The following SDK1 variants were observed in gnomAD, a reference collection of about 807,000 sequenced individuals.
The protein encoded by SDK1 is protein sidekick-1.
A neutral mutation model predicts 245.5 loss-of-function variants in SDK1; 157 were observed. The ratio of observed to expected loss-of-function variants is 0.64; its 90% CI spans 0.56 to 0.73. The LOEUF (loss-of-function observed/expected upper bound fraction) is 0.73, where lower values mean the gene tolerates loss of function less well. Ranked by LOEUF, SDK1 falls within the 30% of genes least tolerant of loss-of-function variation. SDK1 has a pLI of 0.00. For synonymous variants in SDK1, 1,647 were observed against 1,278.5 expected, an observed-to-expected ratio of 1.29 and a Z score of -6.15; for missense variants, 3,583 against 3,002.3, an observed-to-expected ratio of 1.19 and a Z score of -4.52.
At chr7:4,006,832 G>A (rs926907217) in intron 14 of SDK1, among the ~76,000 whole-genome samples, 2 of 152,194 alleles carry the variant, frequency 1.3e-5, no homozygotes, top group Non-Finnish European at 2.9e-5. Flanking sequence ...CCTGAGGCTG[G>A]GGTTCTGGAC....
intron 1 of SDK1, among the ~76,000 whole-genome samples, chr7:3,597,332 C>T (rs1402747310): frequency 6.6e-6 from 1 of 150,458 alleles, no homozygotes; most frequent in Non-Finnish European, 1.5e-5. Flanking sequence ...AGTTACAGTT[C>T]ACTTTGTACT....
intron 4 of SDK1, among the ~76,000 whole-genome samples, chr7:3,685,838 T>A (rs1411455855): frequency 6.6e-6 from 1 of 151,830 alleles, no homozygotes; most frequent in African/African-American, 2.4e-5. Context: ...TATAGGAAGA[T>A]AAGAAAAGAG....
chr7:4,120,227 G>A (rs1464982344), intron 25 of SDK1, among the ~76,000 whole-genome samples: 5 of 149,162 alleles, frequency 3.4e-5, no homozygotes, highest in South Asian at 4.4e-4. Context: ...GATAATAGCC[G>A]AGAAATTCCA....
intron 5 of SDK1, among the ~76,000 whole-genome samples, chr7:3,925,541 G>C (rs1385921718): frequency 6.6e-6 from 1 of 152,152 alleles, no homozygotes; most frequent in South Asian, 2.1e-4. Flanking sequence ...ACAGATGAAC[G>C]CATGCAGGAT....
intron 29 of SDK1, 21 bp from the exon 30 acceptor site, chr7:4,149,241 T>C (rs764586892): frequency 6.7e-7 from 1 of 1,488,580 alleles, no homozygotes; most frequent in Non-Finnish European, 8.9e-7. Flanking sequence ...ATGTCCCTGG[T>C]CTGTCCTCAT....
chr7:3,392,227 C>A (rs1331060013), intron 1 of SDK1, among the ~76,000 whole-genome samples: 1 of 152,108 alleles, frequency 6.6e-6, no homozygotes, highest in African/African-American at 2.4e-5. Context: ...CCCATGTACT[C>A]TAGCAAATTC....
chr7:3,677,468 CAA>C (rs941077102), intron 4 of SDK1, among the ~76,000 whole-genome samples: 1 of 152,156 alleles, frequency 6.6e-6, no homozygotes, highest in Non-Finnish European at 1.5e-5. Context: ...TGCTGGCAGA[CAA>C]GAGAGCTTGT....
intron 5 of SDK1, among the ~76,000 whole-genome samples, chr7:3,854,828 G>C (rs547408536): frequency 3.3e-5 from 5 of 152,300 alleles, no homozygotes; most frequent in Admixed American, 1.3e-4. Context: ...AAGATGGGAA[G>C]GGATGTATTA....
chr7:3,456,967 G>C (rs1157108161), intron 1 of SDK1, among the ~76,000 whole-genome samples: 1 of 152,140 alleles, frequency 6.6e-6, no homozygotes, highest in Non-Finnish European at 1.5e-5. Flanking sequence ...ATCTGCTGCC[G>C]ATAGGACTCC....
chr7:4,141,322 C>G (rs1318336785), intron 28 of SDK1, among the ~76,000 whole-genome samples: 1 of 152,190 alleles, frequency 6.6e-6, no homozygotes, highest in African/African-American at 2.4e-5. Flanking sequence ...AAACCAGTTC[C>G]CACATAATCC....
At chr7:3,706,487 C>T (rs1017236895) in intron 4 of SDK1, among the ~76,000 whole-genome samples, 7 of 152,128 alleles carry the variant, frequency 4.6e-5, no homozygotes, top group East Asian at 1.9e-4. Flanking sequence ...CTACAAGCTC[C>T]GCCTCCTGGG....
chr7:3,548,396 C>T (rs984325743), intron 1 of SDK1, among the ~76,000 whole-genome samples: 1 of 152,214 alleles, frequency 6.6e-6, no homozygotes, highest in Non-Finnish European at 1.5e-5. Flanking sequence ...CTGGGTCTGT[C>T]TTACTCCAAA....
intron 1 of SDK1, among the ~76,000 whole-genome samples, chr7:3,401,189 G>A (rs1255749318): frequency 6.6e-6 from 1 of 152,156 alleles, no homozygotes; most frequent in African/African-American, 2.4e-5. Flanking sequence ...GATGATGTCA[G>A]CCACTTACAC....
intron 2 of SDK1, among the ~76,000 whole-genome samples, chr7:3,638,460 A>G (rs10224718): frequency 1 from 149,953 of 150,170 alleles, 74,868 homozygotes; most frequent in African/African-American, 1. Context: ...AGCCATAAAA[A>G]ATGATGAGTT....
chr7:4,204,685 C>T (rs1784092565), intron 35 of SDK1, among the ~76,000 whole-genome samples: 1 of 152,208 alleles, frequency 6.6e-6, no homozygotes, highest in Non-Finnish European at 1.5e-5. Flanking sequence ...GGCTGCACTC[C>T]TGGGCCGCAG....
intron 1 of SDK1, among the ~76,000 whole-genome samples, chr7:3,445,620 A>T (rs567358466): frequency 2.5e-4 from 38 of 152,316 alleles, no homozygotes; most frequent in African/African-American, 9.1e-4. Context: ...ACACATCAAA[A>T]TCAGAAAACT....
At chr7:3,964,576 A>G (rs967285530) in intron 9 of SDK1, among the ~76,000 whole-genome samples, 2 of 152,216 alleles carry the variant, frequency 1.3e-5, no homozygotes, top group African/African-American at 4.8e-5. Context: ...TCTTTGAAAA[A>G]TAAACTCAAG....
At chr7:3,895,882 G>T (rs959214477) in intron 5 of SDK1, among the ~76,000 whole-genome samples, 4 of 151,836 alleles carry the variant, frequency 2.6e-5, no homozygotes, top group Non-Finnish European at 5.9e-5. Flanking sequence ...TAACTCTTTG[G>T]CGATTTTCCA....
At chr7:4,110,845 A>G (rs1783293870) in intron 23 of SDK1, 73 bp downstream of exon 23, 2 of 963,774 alleles carry the variant, frequency 2.1e-6, no homozygotes, top group Admixed American at 1.8e-5. Context: ...TGTTGGCAAT[A>G]GTAAAACCCA....
Sources: gnomAD v4.1 joint callset for allele counts (sites outside exome capture counted in the v4.1 genomes callset) on GRCh38, gnomAD v4.1.1 for gene constraint, MANE v1.5 for transcripts, NCBI Gene and HGNC (gene_info 2026-07-23, HGNC 2026-07-21) for gene names.